Variants in SRSF5 observed in about 807,000 individuals in gnomAD.
SRSF5 encodes the protein serine/arginine-rich splicing factor 5.
A neutral mutation model predicts 34.0 loss-of-function variants in SRSF5; 5 were observed. The observed-to-expected ratio is 0.15, with a 90% confidence interval of 0.08 to 0.31. The LOEUF is 0.31. SRSF5 is among the 10% of genes least tolerant of loss of function. The pLI, the probability that SRSF5 is intolerant of heterozygous loss-of-function variation, is 1.00. For missense variants in SRSF5, 223 were observed against 351.4 expected (o/e 0.63, Z 2.92); for synonymous variants, 164 against 117.7 (o/e 1.39, Z -2.55).
intron 5 of SRSF5, chr14:69,769,634 C>T (rs2139691302): frequency 2.6e-6 from 4 of 1,533,584 alleles, no homozygotes; most frequent in Admixed American, 2.0e-5. Context: ...CAGTTGGCCA[C>T]CTCTAGATCT....
chr14:69,771,145 G>C (rs761323971), intron 7 of SRSF5, 40 bp downstream of exon 7: 1 of 1,613,112 alleles, frequency 6.2e-7, no homozygotes, highest in South Asian at 1.1e-5. Context: ...GTATTTAATG[G>C]GTTTGTTGTA....
At chr14:69,767,340 C>G (rs1004502618) in intron 1 of SRSF5, 85 bp downstream of exon 1, 2 of 455,844 alleles carry the variant, frequency 4.4e-6, no homozygotes, top group Non-Finnish European at 8.8e-6. Flanking sequence ...GGGCTGCTCT[C>G]TTTGCGGAGG....
chr14:69,768,573 CA>C, intron 2 of SRSF5, 30 bp from the exon 3 acceptor site: 1 of 1,599,870 alleles, frequency 6.3e-7, no homozygotes, highest in Non-Finnish European at 8.6e-7. Context: ...CTTCTAAAGC[CA>C]ATGTTAAGAG....
chr14:69,771,528 A>G lies in SRSF5; in HGVS notation c.*67A>G. 2 of 1,372,456 alleles carry G rather than the reference A, an allele frequency of 1.5e-6. No individual in the cohort carries two copies. Among genetic ancestry groups the G allele is most frequent in the Non-Finnish European group, 1.9e-6 (2 of 1,037,730 alleles). 85.0% of individuals were successfully genotyped at this position (1,372,456 alleles called of 1,614,324 possible). Reference sequence around the variant, plus strand: ...AAAACCACAAAAATTCCCAAACCATACTTGCTAAAAATTCTGGTAAGTATG... The same window carrying G: ...AAAACCACAAAAATTCCCAAACCATGCTTGCTAAAAATTCTGGTAAGTATG... On this transcript the variant is annotated 3_prime_UTR_variant, in exon 8 of 8. Transcript: ENST00000557154.
chr14:69,771,676 G>C lies in SRSF5; in HGVS notation c.*215G>C. 3.5e-6 allele frequency: 2 copies of C among 571,490 alleles called. No individual in the cohort carries two copies. The highest frequency in any genetic ancestry group is 6.0e-6 in the Non-Finnish European group (2 of 332,352). 35.4% of individuals were successfully genotyped at this position (571,490 alleles called of 1,614,324 possible). A position where few individuals can be genotyped will look rare whatever the true frequency, so the allele number is the denominator to read the frequency against. ...TTAAATGTCTTTTGATAAGCCTTCT[G>C]CTCACATTTTTGTGAATGTCTGAAG... On this transcript the variant is annotated 3_prime_UTR_variant, in exon 8 of 8. Coordinates refer to ENST00000557154, the MANE Select transcript of SRSF5 (RefSeq NM_001320214.2).
Position 69,771,621 on chromosome 14 carries a change from C to T in SRSF5, c.*160C>T. 1 of 800,904 alleles carries T rather than the reference C, an allele frequency of 1.2e-6. No homozygotes were observed. Among genetic ancestry groups the T allele is most frequent in the Non-Finnish European group, 1.9e-6 (1 of 518,558 alleles). The allele number at this position is 800,904 out of a possible 1,614,324, so 49.6% of individuals were successfully genotyped here. A position where few individuals can be genotyped will look rare whatever the true frequency, so the allele number is the denominator to read the frequency against. ...GGCTGGATATCTTTGTAGATGTGGA[C>T]CACCAAGGGGTTGTTGAAAACTAAT... On this transcript the variant is annotated 3_prime_UTR_variant, in exon 8 of 8. Coordinates refer to ENST00000557154, the MANE Select transcript of SRSF5 (RefSeq NM_001320214.2).
At chr14:69,769,615 T>TAGGAAA in intron 5 of SRSF5, 1 of 1,535,186 alleles carries the variant, frequency 6.5e-7, no homozygotes, top group Non-Finnish European at 8.7e-7. Context: ...AGTCAGCTCC[T>TAGGAAA]ACAGTGATCA....
chr14:69,769,273 A>C (rs946435860), intron 5 of SRSF5, 22 bp downstream of exon 5: 1 of 1,613,260 alleles, frequency 6.2e-7, no homozygotes, highest in Non-Finnish European at 8.5e-7. Flanking sequence ...TACAGTTTTG[A>C]GTTATTTTGA....
intron 2 of SRSF5, 32 bp from the exon 3 acceptor site, chr14:69,768,572 C>T (rs189888022): frequency 3.8e-6 from 6 of 1,598,022 alleles, no homozygotes; most frequent in Non-Finnish European, 5.1e-6. Flanking sequence ...TCTTCTAAAG[C>T]CAATGTTAAG....
chr14:69,770,858 T>C, intron 6 of SRSF5, 137 bp from the exon 7 acceptor site: 1 of 817,684 alleles, frequency 1.2e-6, no homozygotes, highest in Non-Finnish European at 1.9e-6. Context: ...GCTCTTTTAA[T>C]GCTGTGTTAT....
intron 6 of SRSF5, 115 bp downstream of exon 6, chr14:69,770,655 A>C: frequency 1.0e-6 from 1 of 993,784 alleles, no homozygotes; most frequent in Non-Finnish European, 1.5e-6. Context: ...TCCAGAGACA[A>C]TTTTGCTGCT....
intron 6 of SRSF5, 76 bp from the exon 7 acceptor site, chr14:69,770,919 C>T (rs139616763): frequency 4.7e-6 from 6 of 1,284,738 alleles, no homozygotes; most frequent in Non-Finnish European, 6.5e-6. Flanking sequence ...ATAGAAACGA[C>T]TTACCTAGAC....
intron 5 of SRSF5, 189 bp downstream of exon 5, chr14:69,769,440 A>G (rs1030367798): frequency 6.5e-7 from 1 of 1,529,818 alleles, no homozygotes; most frequent in African/African-American, 1.4e-5. Context: ...TCAAATGTAA[A>G]TGTTTTGAGG....
chr14:69,768,321 G>A lies in SRSF5; in HGVS notation c.126+39G>A, dbSNP rs777175696. 4.4e-5 allele frequency: 71 copies of A among 1,610,008 alleles called. No individual in the cohort carries two copies. In the Middle Eastern group the frequency reaches 8.2e-4, roughly 19 times the overall value. On this transcript the variant is annotated intron_variant, in intron 2 of 7. Transcript: ENST00000557154. ...ACTGGGTGAATTATCTGCTAAGTAG[G>A]TAGAGTTTTGATAAGCAGTTGTTTT...
Position 69,771,300 on chromosome 14 carries a change from A to C in SRSF5, c.658A>C (p.Arg220=), listed in dbSNP as rs375993522. ...TTACAGCCGGTCAAGAAGCAGGAGCAGGAGCCGGAGCCGGAGCAAGTCCCG... is the reference window on the plus strand; with the variant it reads ...TTACAGCCGGTCAAGAAGCAGGAGCCGGAGCCGGAGCCGGAGCAAGTCCCG... The part of the protein sequence containing the change: ...KSYSRSRSRS[R]SRSRSKSRSV... Residue 220 remains arginine, a synonymous_variant, in exon 8 of 8, where the codon AGG becomes CGG. Transcript: ENST00000557154. The C allele has an allele frequency of 7.5e-5, 121 of 1,614,008 alleles. No individual in the cohort carries two copies. The highest frequency in any genetic ancestry group is 4.9e-4 in the Middle Eastern group (3 of 6,082).
At chr14:69,769,557 C>T in intron 5 of SRSF5, 1 of 1,535,358 alleles carries the variant, frequency 6.5e-7, no homozygotes, top group Non-Finnish European at 8.7e-7. Context: ...TGTGGGTTAT[C>T]CTAATCGTTG....
At position 69,771,264 on chromosome 14, in the gene SRSF5, AGTC is replaced by A; in HGVS notation, c.624_626del (p.Arg209del). 6.2e-7 allele frequency: 1 copy of A among 1,614,136 alleles called. No individual in the cohort carries two copies. The highest frequency in any genetic ancestry group is 2.2e-5 in the East Asian group (1 of 44,884). On this transcript the variant is annotated inframe_deletion, in exon 8 of 8. Coordinates refer to ENST00000557154, the MANE Select transcript of SRSF5 (RefSeq NM_001320214.2). ...GTCTCGTAGCCGATCCCGTTCCCGT[AGTC>A]GCAAATCTTACAGCCGGTCAAGAAG...
Position 69,771,560 on chromosome 14 carries a change from T to G in SRSF5, c.*99T>G. 3 of 1,069,426 alleles carry G rather than the reference T, an allele frequency of 2.8e-6. No individual in the cohort carries two copies. The highest frequency in any genetic ancestry group is 3.9e-6 in the Non-Finnish European group (3 of 779,176). The allele number at this position is 1,069,426 out of a possible 1,614,324, so 66.2% of individuals were successfully genotyped here. ...AAAAATTCTGGTAAGTATGTGCTTT[T>G]CTGTGGGGGTGGGATTTGGAAGGGG... On this transcript the variant is annotated 3_prime_UTR_variant, in exon 8 of 8. Coordinates refer to ENST00000557154, the MANE Select transcript of SRSF5 (RefSeq NM_001320214.2).
chr14:69,770,182 T>G, intron 5 of SRSF5: 1 of 1,109,782 alleles, frequency 9.0e-7, no homozygotes, highest in Non-Finnish European at 1.1e-6. Context: ...TGTTTTTTTG[T>G]TTGTTTTTTT....
Sources: gnomAD v4.1 joint callset for allele counts on GRCh38, gnomAD v4.1.1 for gene constraint, MANE v1.5 for transcripts, NCBI Gene and HGNC (gene_info 2026-07-23, HGNC 2026-07-21) for gene names.